The following GPD2 variants were observed in gnomAD, a reference collection of about 807,000 sequenced individuals.
GPD2 encodes the protein glycerol-3-phosphate dehydrogenase 2, also known as glycerol-3-phosphate dehydrogenase, mitochondrial.
A neutral mutation model predicts 82.4 loss-of-function variants in GPD2; 54 were observed. The observed-to-expected ratio is 0.66, with a 90% CI of 0.53 to 0.82. The LOEUF is 0.82. Ranked by LOEUF, GPD2 falls within the 40% of genes least tolerant of loss-of-function variation. The pLI is 0.00. For synonymous variants in GPD2, 288 were observed against 306.1 expected, an observed-to-expected ratio of 0.94 and a Z score of 0.62; for missense variants, 748 against 896.2, an observed-to-expected ratio of 0.83 and a Z score of 2.11.
At chr2:156,439,487 C>T (rs1305259321) in intron 1 of GPD2, among the ~76,000 whole-genome samples, 3 of 111,572 alleles carry the variant, frequency 2.7e-5, no homozygotes, top group South Asian at 3.1e-4. Flanking sequence ...GAGGCCAAAA[C>T]GTGAGAATTG....
chr2:156,419,582 C>T, the GPD2 span, among the ~76,000 whole-genome samples: 1 of 152,148 alleles, frequency 6.6e-6, no homozygotes, highest in East Asian at 1.9e-4. Context: ...CTTCCACTTC[C>T]CATATTTTCT....
At chr2:156,558,966 T>G (rs1164675809) in intron 9 of GPD2, among the ~76,000 whole-genome samples, 1 of 151,880 alleles carries the variant, frequency 6.6e-6, no homozygotes, top group Non-Finnish European at 1.5e-5. Flanking sequence ...ATTCAACTAC[T>G]CCCCATCCCT....
chr2:156,491,376 A>G (rs1041741934), intron 2 of GPD2, among the ~76,000 whole-genome samples: 1 of 152,252 alleles, frequency 6.6e-6, no homozygotes, highest in African/African-American at 2.4e-5. Flanking sequence ...GGATGTGGCT[A>G]TCTTCCAGTG....
the GPD2 span, among the ~76,000 whole-genome samples, chr2:156,415,792 T>C: frequency 2.0e-5 from 3 of 152,136 alleles, no homozygotes; most frequent in Non-Finnish European, 2.9e-5. Flanking sequence ...GAGATGGAAG[T>C]TGCGGTGAGC....
At chr2:156,417,388 T>C in the GPD2 span, among the ~76,000 whole-genome samples, 4 of 152,222 alleles carry the variant, frequency 2.6e-5, no homozygotes, top group African/African-American at 7.2e-5. Flanking sequence ...CCCTGAGACT[T>C]TGAATATTAC....
rs763379883 is a variant in GPD2, at chr2:156,512,144, G to T, written c.400-76G>T. 294 of 789,626 alleles carry T rather than the reference G, an allele frequency of 3.7e-4. 1 individual carries two copies. The highest frequency in any genetic ancestry group is 7.7e-5 in the Non-Finnish European group (33 of 430,402). 48.9% of individuals were successfully genotyped at this position (789,626 alleles called of 1,614,324 possible). On this transcript the variant is annotated intron_variant, in intron 4 of 16. Coordinates refer to ENST00000438166, the MANE Select transcript of GPD2 (RefSeq NM_000408.5). Reference sequence around the variant, plus strand: ...AAGGTTTCTGTGTATCAATCAGTTGGCAGGGTGTCTATTTGCCATTTGAAA... The same window carrying T: ...AAGGTTTCTGTGTATCAATCAGTTGTCAGGGTGTCTATTTGCCATTTGAAA...
At chr2:156,575,210 C>T (rs371143631) in intron 13 of GPD2, among the ~76,000 whole-genome samples, 19 of 151,972 alleles carry the variant, frequency 1.3e-4, no homozygotes, top group Admixed American at 2.6e-4. Flanking sequence ...ATTTCAAAAA[C>T]GAGAGGAGAG....
At chr2:156,419,683 G>C in the GPD2 span, among the ~76,000 whole-genome samples, 2 of 152,178 alleles carry the variant, frequency 1.3e-5, no homozygotes, top group Non-Finnish European at 2.9e-5. Flanking sequence ...TGAAGAGACA[G>C]AATGTGGTTG....
At chr2:156,443,317 A>AT (rs1226876428) in intron 1 of GPD2, among the ~76,000 whole-genome samples, 1 of 152,212 alleles carries the variant, frequency 6.6e-6, no homozygotes, top group East Asian at 1.9e-4. Context: ...ATGGAAGATC[A>AT]TGCTGGATCT....
intron 2 of GPD2, among the ~76,000 whole-genome samples, chr2:156,477,514 C>G (rs1376887276): frequency 6.6e-6 from 1 of 152,074 alleles, no homozygotes; most frequent in African/African-American, 2.4e-5. Context: ...CCCAACAAGC[C>G]AATTTTTATG....
rs1688160075 is a variant in GPD2 at position 156,584,899 on chromosome 2, T to A, written c.*1981T>A. On this transcript the variant is annotated 3_prime_UTR_variant, in exon 17 of 17. Coordinates refer to ENST00000438166, the MANE Select transcript of GPD2 (RefSeq NM_000408.5). ...TTCTCTCTTTCTCTTTCTAGTTAGA[T>A]CAAGATAACGATGACTTGTACCCTC... The A allele has an allele frequency of 6.6e-6, 1 of 152,136 alleles. No individual in the cohort carries two copies. The highest frequency in any genetic ancestry group is 6.6e-5 in the Admixed American group (1 of 15,218). The allele number at this position is 152,136 out of a possible 1,614,324, so 9.4% of individuals were successfully genotyped here.
At chr2:156,449,187 G>T (rs1682467107) in intron 1 of GPD2, among the ~76,000 whole-genome samples, 1 of 151,834 alleles carries the variant, frequency 6.6e-6, no homozygotes. Flanking sequence ...ACATTCACAG[G>T]TTCCAGGGAT....
At chr2:156,409,098 T>TA in the GPD2 span, among the ~76,000 whole-genome samples, 57 of 152,286 alleles carry the variant, frequency 3.7e-4, no homozygotes, top group East Asian at 9.7e-4. Context: ...CGGAAAGAGA[T>TA]ATGCAGCAGA....
chr2:156,400,448 G>T, the GPD2 span, among the ~76,000 whole-genome samples: 4 of 152,178 alleles, frequency 2.6e-5, no homozygotes, highest in Non-Finnish European at 5.9e-5. Flanking sequence ...TGCCAGCTCC[G>T]GCAGGCATTG....
chr2:156,513,143 C>A (rs1225400103), intron 5 of GPD2, among the ~76,000 whole-genome samples, 190 bp from the exon 6 acceptor site: 1 of 152,160 alleles, frequency 6.6e-6, no homozygotes, highest in Non-Finnish European at 1.5e-5. Flanking sequence ...TTTAAAATCT[C>A]ATTGATTTAT....
At chr2:156,425,752 C>T in the GPD2 span, among the ~76,000 whole-genome samples, 1 of 152,182 alleles carries the variant, frequency 6.6e-6, no homozygotes, top group African/African-American at 2.4e-5. Context: ...CCCACCACTC[C>T]TTATTTGTTT....
intron 9 of GPD2, among the ~76,000 whole-genome samples, chr2:156,563,382 A>G (rs1250780311): frequency 6.6e-6 from 1 of 152,162 alleles, no homozygotes; most frequent in Non-Finnish European, 1.5e-5. Flanking sequence ...TGAGAACTAG[A>G]AAAAATTTGA....
the GPD2 span, among the ~76,000 whole-genome samples, chr2:156,420,830 C>T: frequency 2.4e-4 from 36 of 152,262 alleles, no homozygotes; most frequent in Non-Finnish European, 3.4e-4. Context: ...GTTTTATATG[C>T]CACAGGATGC....
In GPD2 at chr2:156,532,270, G is replaced by A. The variant is rs77861418; in HGVS notation, c.662-17338G>A. Reference sequence around the variant, plus strand: ...TGTCCTCTCACCTTGGCCTCCCAAAGTGCTGGGATTACAGATGTGAGCCAC... The same window carrying A: ...TGTCCTCTCACCTTGGCCTCCCAAAATGCTGGGATTACAGATGTGAGCCAC... On this transcript the variant is annotated intron_variant, in intron 6 of 16. Coordinates refer to ENST00000438166, the MANE Select transcript of GPD2 (RefSeq NM_000408.5). Among the ~76,000 whole-genome samples, 144 of 152,318 alleles carry A rather than the reference G, an allele frequency of 9.5e-4. 3 individuals are homozygous for A. In the East Asian group the frequency reaches 0.028, roughly 29 times the overall value.
Sources: gnomAD v4.1 joint callset for allele counts (sites outside exome capture counted in the v4.1 genomes callset) on GRCh38, gnomAD v4.1.1 for gene constraint, MANE v1.5 for transcripts, NCBI Gene and HGNC (gene_info 2026-07-23, HGNC 2026-07-21) for gene names.